Variants in OSBP2 observed in about 807,000 individuals in gnomAD.
OSBP2 encodes oxysterol binding protein 2.
A neutral mutation model predicts 96.0 loss-of-function variants in OSBP2; 66 were observed. The ratio of observed to expected loss-of-function variants is 0.69; its 90% CI spans 0.56 to 0.84. The LOEUF is 0.84. Among genes scored for constraint, OSBP2 ranks in the 40% least tolerant of loss-of-function variants. OSBP2 has a pLI of 0.00. For missense variants in OSBP2, 1,038 were observed against 1,222.7 expected (o/e 0.85, Z 2.25); for synonymous variants, 525 against 520.9 (o/e 1.01, Z -0.11).
intron 2 of OSBP2, among the ~76,000 whole-genome samples, chr22:30,796,318 A>G (rs2090761018): frequency 6.6e-6 from 1 of 152,070 alleles, no homozygotes. Flanking sequence ...TCAGGGTTGA[A>G]TTTGTTTTTC....
chr22:30,793,132 G>A (rs2090701402), intron 2 of OSBP2, among the ~76,000 whole-genome samples: 1 of 152,234 alleles, frequency 6.6e-6, no homozygotes, highest in Non-Finnish European at 1.5e-5. Flanking sequence ...GCTCACGCCT[G>A]TAATCCCAAC....
intron 2 of OSBP2, among the ~76,000 whole-genome samples, chr22:30,837,261 CA>C (rs34674333): frequency 0.063 from 6,943 of 110,734 alleles, 469 homozygotes; most frequent in African/African-American, 0.19. Flanking sequence ...GACTCTGTCT[CA>C]AAAAAAAAAA....
At chr22:30,701,485 A>G (rs1281350748) in intron 1 of OSBP2, among the ~76,000 whole-genome samples, 1 of 151,702 alleles carries the variant, frequency 6.6e-6, no homozygotes, top group Non-Finnish European at 1.5e-5. Context: ...CTGGGACTAC[A>G]GGCACCTGCC....
chr22:30,830,297 C>T (rs563987607), intron 2 of OSBP2, among the ~76,000 whole-genome samples: 99 of 152,274 alleles, frequency 6.5e-4, no homozygotes, highest in African/African-American at 2.3e-3. Context: ...TGATTCCTGA[C>T]GCATATCTTC....
chr22:30,856,901 A>C (rs2039090651), intron 2 of OSBP2, among the ~76,000 whole-genome samples: 1 of 152,106 alleles, frequency 6.6e-6, no homozygotes, highest in South Asian at 2.1e-4. Flanking sequence ...GAGGTGGCCC[A>C]AGCAAGGGGC....
chr22:30,865,339 T>C lies in OSBP2; in HGVS notation c.854-5090T>C, dbSNP rs549023185. On this transcript the variant is annotated intron_variant, in intron 2 of 13. Coordinates refer to ENST00000332585, the MANE Select transcript of OSBP2 (RefSeq NM_030758.4). Reference sequence around the variant, plus strand: ...ATGATTTGAAGTAAACTCAAGACAGTTATGGCCGGGCATGGTGGCTCACGC... The same window carrying C: ...ATGATTTGAAGTAAACTCAAGACAGCTATGGCCGGGCATGGTGGCTCACGC... Among the ~76,000 whole-genome samples, 9 of 152,164 alleles carry C rather than the reference T, an allele frequency of 5.9e-5. No homozygotes were observed. In the South Asian group the frequency reaches 1.9e-3, roughly 32 times the overall value.
chr22:30,730,808 A>ATTTTT (rs1491303061), intron 1 of OSBP2, among the ~76,000 whole-genome samples: 8 of 39,332 alleles, frequency 2.0e-4, no homozygotes, highest in South Asian at 1.1e-3. Flanking sequence ...ATATATATAT[A>ATTTTT]ATTTTTTTTT....
intron 1 of OSBP2, among the ~76,000 whole-genome samples, chr22:30,727,930 C>A (rs544748284): frequency 6.6e-6 from 1 of 151,010 alleles, no homozygotes; most frequent in South Asian, 2.1e-4. Flanking sequence ...CATGGTGAAA[C>A]CCTGTCTCTA....
chr22:30,894,493 A>G (rs1322925913), intron 12 of OSBP2: 5 of 155,668 alleles, frequency 3.2e-5, no homozygotes, highest in African/African-American at 9.6e-5. Flanking sequence ...GGGAGAAGAC[A>G]GAGTGAGGTC....
At chr22:30,902,741 C>T in intron 12 of OSBP2, 1 of 462,664 alleles carries the variant, frequency 2.2e-6, no homozygotes, top group East Asian at 5.0e-5. Flanking sequence ...TTCAGGGGTG[C>T]CAGACCCAGA....
chr22:30,797,224 A>T (rs1170496434), intron 2 of OSBP2, among the ~76,000 whole-genome samples: 2 of 152,220 alleles, frequency 1.3e-5, no homozygotes, highest in African/African-American at 2.4e-5. Context: ...TGGATAGACT[A>T]CATTTTGTGT....
intron 2 of OSBP2, among the ~76,000 whole-genome samples, chr22:30,744,085 A>G (rs1387823539): frequency 6.6e-6 from 1 of 152,208 alleles, no homozygotes; most frequent in East Asian, 1.9e-4. Flanking sequence ...AGCATGAATG[A>G]ACCATGTATG....
chr22:30,789,750 A>G (rs918770665), intron 2 of OSBP2, among the ~76,000 whole-genome samples: 5 of 152,220 alleles, frequency 3.3e-5, no homozygotes, highest in African/African-American at 7.2e-5. Context: ...ACCAGTGACC[A>G]GAAGGTGGAC....
intron 2 of OSBP2, among the ~76,000 whole-genome samples, chr22:30,793,910 T>G (rs1190129443): frequency 1.3e-5 from 2 of 152,198 alleles, no homozygotes; most frequent in African/African-American, 4.8e-5. Context: ...CAAAGGTGGA[T>G]GCAACCCAAG....
chr22:30,713,139 C>T (rs62235883), intron 1 of OSBP2, among the ~76,000 whole-genome samples: 23,311 of 149,258 alleles, frequency 0.16, 2,450 homozygotes, highest in East Asian at 0.4. Context: ...AGTGCAGTGG[C>T]GTGATCTCGG....
intron 2 of OSBP2, among the ~76,000 whole-genome samples, chr22:30,806,545 C>A (rs2090930526): frequency 6.6e-6 from 1 of 152,168 alleles, no homozygotes; most frequent in South Asian, 2.1e-4. Flanking sequence ...ATCAACTAGG[C>A]CAACCTCTCA....
intron 1 of OSBP2, among the ~76,000 whole-genome samples, chr22:30,722,020 G>T (rs114913842): frequency 6.6e-6 from 1 of 152,144 alleles, no homozygotes; most frequent in South Asian, 2.1e-4. Flanking sequence ...AAACAAATCT[G>T]CTCAAGTATC....
Position 30,695,245 on chromosome 22 carries a change from A to C in OSBP2, c.336A>C (p.Ser112=), listed in dbSNP as rs745715266. The change falls in exon 1 of 14, where the codon TCA becomes TCC. Residue 112 remains serine (S), a synonymous_variant. Transcript: ENST00000332585. ...QGSRPGSESS[S]GVGAGPFTKA... ...CGCGGCCGGGGTCAGAGTCAAGCTC[A>C]GGTGTAGGGGCTGGGCCCTTCACTA... The C allele has an allele frequency of 1.9e-6, 3 of 1,613,512 alleles. No individual in the cohort carries two copies. In the Admixed American group the frequency reaches 5.0e-5, roughly 27 times the overall value.
At chr22:30,860,915 C>T (rs572691450) in intron 2 of OSBP2, among the ~76,000 whole-genome samples, 2 of 152,274 alleles carry the variant, frequency 1.3e-5, no homozygotes, top group Non-Finnish European at 1.5e-5. Flanking sequence ...CCTGGCTGCC[C>T]GGTGCTGTCC....
Sources: gnomAD v4.1 joint callset for allele counts (sites outside exome capture counted in the v4.1 genomes callset) on GRCh38, gnomAD v4.1.1 for gene constraint, MANE v1.5 for transcripts, NCBI Gene and HGNC (gene_info 2026-07-23, HGNC 2026-07-21) for gene names.